C19orf47: variants seen among roughly 807,000 people sequenced by gnomAD.
The protein encoded by C19orf47 is uncharacterized protein C19orf47.
A neutral mutation model predicts 32.3 loss-of-function variants in C19orf47; 18 were observed. The observed-to-expected ratio is 0.56, with a 90% confidence interval of 0.39 to 0.83. The LOEUF (loss-of-function observed/expected upper bound fraction) is 0.83, where lower values mean the gene tolerates loss of function less well. C19orf47 is among the 40% of genes least tolerant of loss of function. The pLI, the probability that C19orf47 is intolerant of heterozygous loss-of-function variation, is 0.00. For missense variants in C19orf47, 484 were observed against 531.6 expected (o/e 0.91, Z 0.88); for synonymous variants, 202 against 211.1 (o/e 0.96, Z 0.37).
At chr19:40,313,544 G>A in the C19orf47 span, among the ~76,000 whole-genome samples, 28,664 of 152,064 alleles carry the variant, frequency 0.19, 3,039 homozygotes, top group African/African-American at 0.27. Flanking sequence ...AGTCTGGTCT[G>A]GAACTCCTGG....
At chr19:40,312,417 C>T in the C19orf47 span, among the ~76,000 whole-genome samples, 8 of 152,024 alleles carry the variant, frequency 5.3e-5, no homozygotes, top group African/African-American at 1.2e-4. Context: ...TGGTGGCGGG[C>T]GCCTGTAGTC....
At chr19:40,326,303 G>T (rs372250147) in intron 7 of C19orf47, 31 bp downstream of exon 7, 1 of 1,612,598 alleles carries the variant, frequency 6.2e-7, no homozygotes, top group East Asian at 2.2e-5. Flanking sequence ...CATGGACCCC[G>T]CAGGGAAGCA....
At chr19:40,331,718 T>C (rs1201803698) in intron 5 of C19orf47, among the ~76,000 whole-genome samples, 2 of 152,154 alleles carry the variant, frequency 1.3e-5, no homozygotes. Flanking sequence ...CTAATGTGTA[T>C]ATTAAAATTT....
At chr19:40,310,365 T>C in the C19orf47 span, among the ~76,000 whole-genome samples, 1 of 152,148 alleles carries the variant, frequency 6.6e-6, no homozygotes, top group Admixed American at 6.5e-5. Flanking sequence ...TGCAGTGGCA[T>C]GATCTCAGGT....
the C19orf47 span, among the ~76,000 whole-genome samples, chr19:40,298,815 G>T: frequency 1.3e-5 from 2 of 152,116 alleles, no homozygotes; most frequent in Non-Finnish European, 2.9e-5. Context: ...ATAAGTTGTT[G>T]CAGAATAAAG....
chr19:40,334,092 A>G (rs557880426), intron 4 of C19orf47, among the ~76,000 whole-genome samples, 163 bp from the exon 5 acceptor site: 5 of 152,314 alleles, frequency 3.3e-5, no homozygotes, highest in African/African-American at 4.8e-5. Context: ...ACTGAGGGAC[A>G]CTCTATAAAA....
In C19orf47 at chr19:40,336,399, CG is replaced by C. The variant is rs1568620551; in HGVS notation, c.27del (p.Glu10SerfsTer21). On this transcript the variant is annotated frameshift_variant, in exon 3 of 9. Transcript: ENST00000683109. LOFTEE classifies it high-confidence loss of function. The stretch of plus-strand genomic sequence containing the variant: ...GCTTCCTTAAAGAACTGGATCCACT[CG>C]GAAGTGGCTGTGGGGTTGGACAGGG... MVSVTMAT[S>X]EWIQFFKEAG... The C allele has an allele frequency of 6.2e-7, 1 of 1,613,296 alleles. No homozygotes were observed. Among genetic ancestry groups the C allele is most frequent in the South Asian group, 1.1e-5 (1 of 90,956 alleles).
At chr19:40,322,485 C>T (rs1413928364) in intron 8 of C19orf47, 109 bp from the exon 9 acceptor site, 33 of 1,299,880 alleles carry the variant, frequency 2.5e-5, no homozygotes, top group Non-Finnish European at 3.0e-5. Context: ...TTGGGAGAAA[C>T]ACCCATCACT....
rs371558918 is a variant in C19orf47 at position 40,336,197 on chromosome 19, G to C, written c.135C>G (p.Leu45=). The C allele has an allele frequency of 3.7e-5, 60 of 1,614,062 alleles. 1 individual carries two copies. In the African/African-American group the frequency reaches 7.5e-4, roughly 20 times the overall value. The change falls in exon 4 of 9, where the codon CTC becomes CTG. Residue 45 remains leucine, a synonymous_variant. Transcript: ENST00000683109. ...NRIQKSMLLD[L]NKEIMNELGV... is the part of the protein sequence containing the mutation. ...CCAGCTCATTCATTATCTCCTTATTGAGATCCAGCAGCATGCTCTTCTGAA... is the reference window on the plus strand; with the variant it reads ...CCAGCTCATTCATTATCTCCTTATTCAGATCCAGCAGCATGCTCTTCTGAA...
At chr19:40,304,154 A>G in the C19orf47 span, among the ~76,000 whole-genome samples, 1 of 152,130 alleles carries the variant, frequency 6.6e-6, no homozygotes, top group African/African-American at 2.4e-5. Flanking sequence ...TTCAAACACT[A>G]ATCTGATTTT....
the C19orf47 span, among the ~76,000 whole-genome samples, chr19:40,301,397 G>A: frequency 6.7e-6 from 1 of 149,952 alleles, no homozygotes; most frequent in Admixed American, 6.7e-5. Context: ...CTGGAGTGCA[G>A]TGGCATGATC....
At chr19:40,322,693 T>G (rs767813079) in intron 8 of C19orf47, among the ~76,000 whole-genome samples, 50 of 152,124 alleles carry the variant, frequency 3.3e-4, no homozygotes, top group Admixed American at 1.0e-3. Context: ...GGTCAATAGG[T>G]GGGCATGAGT....
intron 7 of C19orf47, among the ~76,000 whole-genome samples, chr19:40,325,965 C>T (rs975980508): frequency 6.6e-6 from 1 of 152,212 alleles, no homozygotes; most frequent in African/African-American, 2.4e-5. Flanking sequence ...TACTCCAAGT[C>T]AGAAGGCCTA....
downstream of C19orf47, among the ~76,000 whole-genome samples, chr19:40,319,206 G>A (rs2077684016): frequency 4.0e-5 from 6 of 151,774 alleles, no homozygotes; most frequent in South Asian, 1.2e-3. Context: ...GGAGGTGGAG[G>A]TTTCAGTGAG....
At position 40,322,146 on chromosome 19, in the gene C19orf47, G is replaced by C; in HGVS notation, c.894C>G (p.Ser298=). Residue 298 remains serine, a synonymous_variant, in exon 9 of 9, where the codon TCC becomes TCG. Transcript: ENST00000683109. ...GCTTCCTCTCAAGCCCAGACCGTGA[G>C]GAAAGCGCCAGGCGCCGCAGTGTCG... is the stretch of plus-strand genomic sequence containing the variant. ...AAPTLRRLAL[S]SRSGLERKPE... 1 of 1,613,920 alleles carries C rather than the reference G, an allele frequency of 6.2e-7. No individual in the cohort carries two copies.
intron 2 of C19orf47, among the ~76,000 whole-genome samples, chr19:40,336,993 T>G (rs556409539): frequency 6.6e-6 from 1 of 152,314 alleles, no homozygotes; most frequent in African/African-American, 2.4e-5. Flanking sequence ...AACCCTGCGA[T>G]TTCCCTATGG....
chr19:40,310,781 G>A, the C19orf47 span, among the ~76,000 whole-genome samples: 1 of 152,160 alleles, frequency 6.6e-6, no homozygotes, highest in Non-Finnish European at 1.5e-5. Flanking sequence ...AGATATTTCT[G>A]GGGGAACTCA....
At chr19:40,309,216 C>T in the C19orf47 span, among the ~76,000 whole-genome samples, 1 of 145,460 alleles carries the variant, frequency 6.9e-6, no homozygotes, top group Non-Finnish European at 1.5e-5. Flanking sequence ...TTTTGAGACA[C>T]AGTCTCACTC....
chr19:40,311,364 A>G, the C19orf47 span, among the ~76,000 whole-genome samples: 1 of 148,964 alleles, frequency 6.7e-6, no homozygotes, highest in Admixed American at 6.7e-5. Context: ...GGGCAACAAG[A>G]GCAAAACTCG....
Sources: gnomAD v4.1 joint callset for allele counts (sites outside exome capture counted in the v4.1 genomes callset) on GRCh38, gnomAD v4.1.1 for gene constraint, MANE v1.5 for transcripts, NCBI Gene and HGNC (gene_info 2026-07-23, HGNC 2026-07-21) for gene names.